Variants in HIVEP3 observed in about 807,000 individuals in gnomAD.
HIVEP3 encodes the protein HIVEP zinc finger 3, also known as transcription factor HIVEP3.
In HIVEP3, 49 loss-of-function variants were observed where a neutral mutation model predicts 152.8. The ratio of observed to expected loss-of-function variants is 0.32; its 90% CI spans 0.26 to 0.41. The LOEUF (loss-of-function observed/expected upper bound fraction) is 0.41, where lower values mean the gene tolerates loss of function less well. Ranked by LOEUF, HIVEP3 falls within the 10% of genes least tolerant of loss-of-function variation. The probability of loss-of-function intolerance (pLI) is 1.00; values close to 1 mark genes in which losing one functional copy is unlikely to be tolerated. For synonymous variants in HIVEP3, 1,269 were observed against 1,289.0 expected, an observed-to-expected ratio of 0.98 and a Z score of 0.33; for missense variants, 2,790 against 3,103.3, an observed-to-expected ratio of 0.90 and a Z score of 2.40.
chr1:41,615,815 CTTTTTTTTTTT>C (rs747478470), intron 3 of HIVEP3, among the ~76,000 whole-genome samples: 5 of 46,990 alleles, frequency 1.1e-4, no homozygotes, highest in East Asian at 8.5e-4. Flanking sequence ...TTTGACAAGT[CTTTTTTTTTTT>C]TTTTTTTTTT....
intron 3 of HIVEP3, among the ~76,000 whole-genome samples, chr1:41,586,020 G>A (rs887039944): frequency 1.3e-5 from 2 of 152,236 alleles, no homozygotes; most frequent in Non-Finnish European, 2.9e-5. Flanking sequence ...GCCACAGCCT[G>A]TGAGAACTTA....
At chr1:41,934,438 A>G (rs1645010500) in intron 1 of HIVEP3, among the ~76,000 whole-genome samples, 1 of 152,158 alleles carries the variant, frequency 6.6e-6, no homozygotes, top group Admixed American at 6.6e-5. Context: ...TTAGGACTCC[A>G]GTGAGCTCAA....
At chr1:41,702,136 G>A (rs1646372007) in intron 1 of HIVEP3, among the ~76,000 whole-genome samples, 1 of 152,060 alleles carries the variant, frequency 6.6e-6, no homozygotes, top group Non-Finnish European at 1.5e-5. Context: ...ATCCAGGTAA[G>A]GGCCTGGCAC....
Position 41,533,039 on chromosome 1 carries a change from G to A in HIVEP3, c.5208-8129C>T, listed in dbSNP as rs1022207382. 6.6e-6 allele frequency among the ~76,000 whole-genome samples: 1 copy of A among 152,176 alleles called. No individual in the cohort carries two copies. Among genetic ancestry groups the A allele is most frequent in the Non-Finnish European group, 1.5e-5 (1 of 68,024 alleles). ...GAGGAGAGGGTTTAGAGGAGGAGGG[G>A]CCCATGGCTGGACATCCCAGAGAGC... On this transcript the variant is annotated intron_variant, in intron 5 of 8. Coordinates refer to ENST00000372583, the MANE Select transcript of HIVEP3 (RefSeq NM_024503.5). The surrounding 1 kb of genome is among the most constrained non-coding windows in gnomAD (Gnocchi z 4.3).
intron 2 of HIVEP3, among the ~76,000 whole-genome samples, chr1:41,636,911 A>T (rs1645282380): frequency 6.9e-6 from 1 of 145,648 alleles, no homozygotes; most frequent in African/African-American, 2.6e-5. Context: ...GTGAGCCGAG[A>T]TTGTGCCATT....
intron 5 of HIVEP3, among the ~76,000 whole-genome samples, chr1:41,562,556 T>TC (rs370073505): frequency 1.4e-3 from 128 of 88,546 alleles, no homozygotes; most frequent in South Asian, 7.6e-3. Context: ...CTTCCTTCCT[T>TC]CTTTCCTTCT....
At chr1:41,519,800 G>C (rs1270617631) in intron 6 of HIVEP3, among the ~76,000 whole-genome samples, 1 of 152,164 alleles carries the variant, frequency 6.6e-6, no homozygotes, top group Non-Finnish European at 1.5e-5. Flanking sequence ...GAGCAGATAA[G>C]GAGATGAATA....
intron 5 of HIVEP3, among the ~76,000 whole-genome samples, chr1:41,526,270 C>T (rs565729616): frequency 8.5e-4 from 129 of 151,370 alleles, no homozygotes; most frequent in Admixed American, 2.2e-3. Flanking sequence ...CACACCCACA[C>T]ACTCACCCTC....
chr1:41,647,727 C>T (rs1195671131), intron 2 of HIVEP3, among the ~76,000 whole-genome samples: 1 of 152,240 alleles, frequency 6.6e-6, no homozygotes, highest in Non-Finnish European at 1.5e-5. Flanking sequence ...TTGGAGTCTC[C>T]TCTCCTCAGC....
intron 1 of HIVEP3, among the ~76,000 whole-genome samples, chr1:41,866,513 T>C (rs1176329911): frequency 1.3e-5 from 2 of 151,704 alleles, no homozygotes; most frequent in Non-Finnish European, 2.9e-5. Flanking sequence ...ACAGTGGACC[T>C]GGCTGCTCCC....
intron 1 of HIVEP3, among the ~76,000 whole-genome samples, chr1:41,983,471 C>T (rs1645305346): frequency 6.6e-6 from 1 of 151,988 alleles, no homozygotes; most frequent in Non-Finnish European, 1.5e-5. Flanking sequence ...CATACACATG[C>T]ATAAATATAT....
chr1:41,565,368 G>T (rs1644144163), intron 5 of HIVEP3, among the ~76,000 whole-genome samples: 1 of 149,622 alleles, frequency 6.7e-6, no homozygotes. Context: ...GAGATGAAAG[G>T]TACTGCTTCT....
chr1:41,682,967 C>T (rs1168817127), intron 2 of HIVEP3, among the ~76,000 whole-genome samples: 1 of 152,104 alleles, frequency 6.6e-6, no homozygotes, highest in African/African-American at 2.4e-5. Flanking sequence ...AGGGGAGACA[C>T]CATGGAAGGA....
intron 5 of HIVEP3, among the ~76,000 whole-genome samples, chr1:41,555,083 T>G (rs529364476): frequency 5.3e-5 from 8 of 152,354 alleles, no homozygotes; most frequent in African/African-American, 1.7e-4. Context: ...TTTGTTCAGC[T>G]ATGCCCTGCC....
At chr1:41,738,515 G>A (rs1646950790) in intron 1 of HIVEP3, among the ~76,000 whole-genome samples, 1 of 152,156 alleles carries the variant, frequency 6.6e-6, no homozygotes, top group Non-Finnish European at 1.5e-5. Flanking sequence ...CTGTGGAAAA[G>A]CTTAAGAAGT....
At chr1:41,676,335 C>T (rs148033777) in intron 2 of HIVEP3, among the ~76,000 whole-genome samples, 2,240 of 152,288 alleles carry the variant, frequency 0.015, 28 homozygotes, top group Non-Finnish European at 0.019. Context: ...CAGGCGTGAG[C>T]CACCGTGCCC....
At chr1:41,980,057 A>G (rs981142401) in intron 1 of HIVEP3, among the ~76,000 whole-genome samples, 4 of 152,194 alleles carry the variant, frequency 2.6e-5, no homozygotes, top group Non-Finnish European at 5.9e-5. Context: ...TTAAGAAACA[A>G]TGGTATGTAT....
chr1:41,908,658 T>C (rs761465916), intron 1 of HIVEP3, among the ~76,000 whole-genome samples: 4 of 152,216 alleles, frequency 2.6e-5, no homozygotes, highest in Non-Finnish European at 5.9e-5. Context: ...ATTCAATATA[T>C]AGCCAACTCT....
At position 41,583,348 on chromosome 1, in the gene HIVEP3, C is replaced by T. The variant is rs780211835; in HGVS notation, c.1450G>A (p.Val484Met). The T allele has an allele frequency of 1.3e-5, 21 of 1,611,394 alleles. No individual in the cohort carries two copies. The highest frequency in any genetic ancestry group is 2.2e-5 in the East Asian group (1 of 44,814). Residue 484 changes from valine to methionine, a missense_variant, in exon 4 of 9, where the codon GTG (valine) becomes ATG (methionine). Val to Met is a conservative substitution (Grantham distance 21, BLOSUM62 1). Transcript: ENST00000372583. This position sits in a 1 kb window ranked among gnomAD's most constrained non-coding sequence, Gnocchi z 6.9. ...AVVDTSEIDS[V>M]KPRRSSLSRR... is the part of the protein sequence containing the mutation. Reference sequence around the variant, plus strand: ...GACAGTGAGCTCCGCCTTGGCTTCACGCTGTCGATCTCGCTGGTGTCCACC... The same window carrying T: ...GACAGTGAGCTCCGCCTTGGCTTCATGCTGTCGATCTCGCTGGTGTCCACC...
Sources: gnomAD v4.1 joint callset for allele counts (sites outside exome capture counted in the v4.1 genomes callset) on GRCh38, gnomAD v4.1.1 for gene constraint, Gnocchi (gnomAD v3.1) non-coding constraint, MANE v1.5 for transcripts, NCBI Gene and HGNC (gene_info 2026-07-23, HGNC 2026-07-21) for gene names.